The following SRGAP3 variants were observed in gnomAD, a reference collection of about 807,000 sequenced individuals.
The protein encoded by SRGAP3 is SLIT-ROBO Rho GTPase-activating protein 3.
Under a neutral mutation model 121.1 loss-of-function variants are expected in SRGAP3, and 39 were observed. That is an observed-to-expected ratio of 0.32 (90% CI 0.25 to 0.42). SRGAP3 has a LOEUF of 0.42. SRGAP3 is among the 10% of genes least tolerant of loss of function. SRGAP3 has a pLI of 1.00. For synonymous variants in SRGAP3, 601 were observed against 570.0 expected (o/e 1.05, Z -0.77); for missense variants, 1,213 against 1,470.6 (o/e 0.82, Z 2.86).
chr3:9,332,991 T>C (rs1479715273), intron 1 of SRGAP3, among the ~76,000 whole-genome samples: 2 of 152,226 alleles, frequency 1.3e-5, no homozygotes, highest in Non-Finnish European at 2.9e-5. Flanking sequence ...ATATAGGTCA[T>C]TCCTTAACAA....
At chr3:9,146,803 C>T (rs963954862) in intron 1 of SRGAP3, among the ~76,000 whole-genome samples, 1 of 152,178 alleles carries the variant, frequency 6.6e-6, no homozygotes, top group Non-Finnish European at 1.5e-5. Context: ...GGCGCGAGGA[C>T]GATGCGTCCC....
intron 1 of SRGAP3, among the ~76,000 whole-genome samples, chr3:9,337,279 C>T (rs1955709219): frequency 6.6e-6 from 1 of 152,154 alleles, no homozygotes; most frequent in Non-Finnish European, 1.5e-5. Context: ...CAAAAACACC[C>T]AGAATAATGT....
At chr3:9,288,948 G>A (rs770158994) in intron 3 of SRGAP3, among the ~76,000 whole-genome samples, 7 of 151,732 alleles carry the variant, frequency 4.6e-5, no homozygotes, top group East Asian at 1.9e-4. Context: ...CCAAGGTGGA[G>A]TTCAGTGGCG....
At chr3:9,304,213 C>A (rs1955118112) in intron 3 of SRGAP3, among the ~76,000 whole-genome samples, 1 of 152,200 alleles carries the variant, frequency 6.6e-6, no homozygotes, top group African/African-American at 2.4e-5. Flanking sequence ...CATAACCCAA[C>A]ACCCAGCAGA....
At chr3:9,057,801 G>A (rs1391434631) in intron 7 of SRGAP3, among the ~76,000 whole-genome samples, 1 of 152,242 alleles carries the variant, frequency 6.6e-6, no homozygotes, top group Admixed American at 6.5e-5. Context: ...ACAAGGATCT[G>A]AGCAGCACAA....
intron 3 of SRGAP3, among the ~76,000 whole-genome samples, chr3:9,092,080 C>A (rs1471417018): frequency 6.6e-6 from 1 of 152,170 alleles, no homozygotes; most frequent in East Asian, 1.9e-4. Flanking sequence ...GGAGCCCAGG[C>A]ATGCACGGAG....
chr3:9,018,506 C>T (rs986697155), intron 14 of SRGAP3, among the ~76,000 whole-genome samples: 6 of 152,136 alleles, frequency 3.9e-5, no homozygotes, highest in African/African-American at 1.4e-4. Flanking sequence ...CCTGCATCCT[C>T]GTCAGCATCT....
intron 3 of SRGAP3, among the ~76,000 whole-genome samples, chr3:9,298,812 GA>G (rs139947803): frequency 0.042 from 6,394 of 152,150 alleles, 367 homozygotes; most frequent in African/African-American, 0.13. Flanking sequence ...AGCATTTTGG[GA>G]GGCCGAGGCA....
chr3:9,115,048 C>G (rs1414852634), intron 2 of SRGAP3, among the ~76,000 whole-genome samples: 1 of 152,200 alleles, frequency 6.6e-6, no homozygotes, highest in Non-Finnish European at 1.5e-5. Context: ...AAGTGGCAGA[C>G]TAGCATTCCA....
intron 3 of SRGAP3, among the ~76,000 whole-genome samples, chr3:9,307,272 C>G (rs536842834): frequency 1.2e-4 from 19 of 152,324 alleles, no homozygotes; most frequent in African/African-American, 3.8e-4. Flanking sequence ...CTGTGCCCAG[C>G]CCCCAGTTAG....
intron 1 of SRGAP3, among the ~76,000 whole-genome samples, chr3:9,358,479 A>G (rs2030633318): frequency 6.6e-6 from 1 of 152,138 alleles, no homozygotes; most frequent in Admixed American, 6.5e-5. Context: ...AACAGTCAAG[A>G]CTTCTGGGAC....
chr3:9,009,616 G>A (rs917529607), intron 18 of SRGAP3, among the ~76,000 whole-genome samples: 1 of 152,006 alleles, frequency 6.6e-6, no homozygotes, highest in Non-Finnish European at 1.5e-5. Context: ...CGGATAAGTT[G>A]GCATATGGTT....
chr3:9,046,112 C>G (rs895107641), intron 10 of SRGAP3, among the ~76,000 whole-genome samples: 2 of 151,766 alleles, frequency 1.3e-5, no homozygotes, highest in East Asian at 3.9e-4. Flanking sequence ...AGTCTTCCCC[C>G]CTCCTACCCC....
chr3:9,325,359 T>C (rs1955501441), intron 3 of SRGAP3, among the ~76,000 whole-genome samples: 1 of 151,852 alleles, frequency 6.6e-6, no homozygotes, highest in Non-Finnish European at 1.5e-5. Context: ...GACTGAGTGG[T>C]CTTTTCATTA....
At chr3:9,348,572 G>A (rs764411263) in intron 1 of SRGAP3, 11 of 814,512 alleles carry the variant, frequency 1.4e-5, no homozygotes, top group South Asian at 2.7e-5. Flanking sequence ...TGGCAGGCAG[G>A]TGCTGTGAGA....
At chr3:9,049,785 T>TC (rs1560007778) in intron 9 of SRGAP3, among the ~76,000 whole-genome samples, 1 of 151,496 alleles carries the variant, frequency 6.6e-6, no homozygotes, top group Non-Finnish European at 1.5e-5. Flanking sequence ...TACTTTTTTT[T>TC]TTTTTTTAGG....
chr3:9,152,773 G>A (rs1285432063), intron 1 of SRGAP3, among the ~76,000 whole-genome samples: 1 of 152,200 alleles, frequency 6.6e-6, no homozygotes, highest in Non-Finnish European at 1.5e-5. Context: ...GCTGGGACAG[G>A]TACTAGAAGA....
chr3:9,244,139 G>A (rs1008932446), intron 1 of SRGAP3, among the ~76,000 whole-genome samples: 12 of 152,070 alleles, frequency 7.9e-5, no homozygotes, highest in Admixed American at 6.6e-5. Context: ...CATGATATAC[G>A]CTCTAAGATT....
At chr3:9,216,781 G>A (rs1952649188) in intron 1 of SRGAP3, 1 of 152,442 alleles carries the variant, frequency 6.6e-6, no homozygotes, top group South Asian at 2.1e-4. Context: ...CCCCAGAGGA[G>A]CGGATGAACG....
Sources: allele counts gnomAD v4.1 joint callset (sites outside exome capture counted in the v4.1 genomes callset), GRCh38; gene constraint gnomAD v4.1.1; transcripts MANE v1.5; gene names NCBI Gene and HGNC (gene_info 2026-07-23, HGNC 2026-07-21).